NRXN3: variants seen among roughly 807,000 people sequenced by gnomAD.
The protein encoded by NRXN3 is neurexin 3.
In NRXN3, 32 loss-of-function variants were observed where a neutral mutation model predicts 137.6. That is an observed-to-expected ratio of 0.23 (90% CI 0.18 to 0.31). The LOEUF (loss-of-function observed/expected upper bound fraction) is 0.31. Ranked by LOEUF, NRXN3 falls within the 10% of genes least tolerant of loss-of-function variation. The pLI is 1.00. For synonymous variants in NRXN3, 798 were observed against 784.5 expected, an observed-to-expected ratio of 1.02 and a Z score of -0.29; for missense variants, 1,574 against 2,062.5, an observed-to-expected ratio of 0.76 and a Z score of 4.59.
intron 19 of NRXN3, among the ~76,000 whole-genome samples, chr14:79,786,316 G>A (rs577761839): frequency 5.9e-5 from 9 of 152,230 alleles, no homozygotes; most frequent in Admixed American, 2.0e-4. Flanking sequence ...TGGGGCCAAC[G>A]CTTAAAATGC....
Position 79,590,416 on chromosome 14 carries a change from T to TAAAAAAAAAAAAAAAA in NRXN3, c.3445-73355_3445-73340dup, listed in dbSNP as rs11419735. Among the ~76,000 whole-genome samples, 195 of 92,232 alleles carry TAAAAAAAAAAAAAAAA rather than the reference T, an allele frequency of 2.1e-3. 14 individuals are homozygous for TAAAAAAAAAAAAAAAA. Among genetic ancestry groups the TAAAAAAAAAAAAAAAA allele is most frequent in the Middle Eastern group, 9.1e-3 (1 of 110 alleles). 60.5% of individuals were successfully genotyped at this position (92,232 alleles called of 152,430 possible). ...TCCATTAAACCTTTCTTTCTTTTGT[T>TAAAAAAAAAAAAAAAA]AAAAAAAAAAAAAAAAAAAAAAGAT... On this transcript the variant is annotated intron_variant, in intron 16 of 20. Transcript: ENST00000335750.
chr14:78,803,760 G>A lies in NRXN3; in HGVS notation c.2185G>A (p.Asp729Asn), dbSNP rs773704532. The change falls in exon 9 of 21, where the codon GAC becomes AAC. Residue 729 changes from aspartate to asparagine, a missense_variant. Coordinates refer to ENST00000335750, the MANE Select transcript of NRXN3 (RefSeq NM_001330195.2). Reference sequence around the variant, plus strand: ...GCTGCTGGTGGCTACGACCTCCAGGGACTCTGCCGACACCCTGCGTCTGGA... The same window carrying A: ...GCTGCTGGTGGCTACGACCTCCAGGAACTCTGCCGACACCCTGCGTCTGGA... Reference protein sequence around the residue: ...YGLLVATTSRDSADTLRLELD... With the variant: ...YGLLVATTSRNSADTLRLELD... 5 of 1,613,988 alleles carry A rather than the reference G, an allele frequency of 3.1e-6. No individual in the cohort carries two copies. The highest frequency in any genetic ancestry group is 4.2e-6 in the Non-Finnish European group (5 of 1,180,026).
intron 4 of NRXN3, among the ~76,000 whole-genome samples, chr14:78,446,077 T>C (rs2094410009): frequency 6.6e-6 from 1 of 152,192 alleles, no homozygotes; most frequent in African/African-American, 2.4e-5. Context: ...TGACAGTGCG[T>C]GCACCTGACC....
intron 4 of NRXN3, among the ~76,000 whole-genome samples, chr14:78,589,706 T>G (rs2097098981): frequency 6.6e-6 from 1 of 152,164 alleles, no homozygotes; most frequent in South Asian, 2.1e-4. Flanking sequence ...GTTCTGCTCT[T>G]GGGCCAGGAC....
chr14:79,851,487 A>T (rs538037092), intron 20 of NRXN3, among the ~76,000 whole-genome samples: 4 of 152,108 alleles, frequency 2.6e-5, no homozygotes, highest in Non-Finnish European at 5.9e-5. Flanking sequence ...ACACATTGCT[A>T]TAATTATTTT....
chr14:79,808,115 G>A (rs1386313454), intron 20 of NRXN3, among the ~76,000 whole-genome samples: 1 of 151,882 alleles, frequency 6.6e-6, no homozygotes, highest in Non-Finnish European at 1.5e-5. Context: ...GCAGGCGCCT[G>A]TAGTCCCAGC....
chr14:78,474,487 C>G (rs1011369781), intron 4 of NRXN3, among the ~76,000 whole-genome samples: 2 of 80,342 alleles, frequency 2.5e-5, no homozygotes, highest in Non-Finnish European at 5.4e-5. Flanking sequence ...CATTTGGAAC[C>G]CACTGTGCTG....
At chr14:79,295,956 C>T (rs938535037) in intron 15 of NRXN3, among the ~76,000 whole-genome samples, 11 of 152,130 alleles carry the variant, frequency 7.2e-5, no homozygotes, top group Non-Finnish European at 7.4e-5. Context: ...CTACTGTTTT[C>T]CAGGCACTGT....
At chr14:78,556,061 G>A (rs1448611597) in intron 4 of NRXN3, among the ~76,000 whole-genome samples, 1 of 152,182 alleles carries the variant, frequency 6.6e-6, no homozygotes, top group African/African-American at 2.4e-5. Flanking sequence ...TCACAGACCA[G>A]CCCTGCCCCT....
intron 4 of NRXN3, among the ~76,000 whole-genome samples, chr14:78,318,799 C>G (rs1204952100): frequency 6.6e-6 from 1 of 152,162 alleles, no homozygotes; most frequent in African/African-American, 2.4e-5. Context: ...TTCTTCAAAC[C>G]AAATACCATG....
intron 16 of NRXN3, among the ~76,000 whole-genome samples, chr14:79,583,620 G>T (rs1472620565): frequency 6.6e-6 from 1 of 152,062 alleles, no homozygotes; most frequent in Admixed American, 6.6e-5. Flanking sequence ...ATGAACTTAA[G>T]ATTATACTCA....
intron 15 of NRXN3, among the ~76,000 whole-genome samples, chr14:79,372,300 G>A (rs558302691): frequency 6.6e-6 from 1 of 152,074 alleles, no homozygotes; most frequent in African/African-American, 2.4e-5. Flanking sequence ...ATAAATTTCG[G>A]CACACAGGGT....
chr14:78,278,396 T>C (rs1321020922), intron 2 of NRXN3, among the ~76,000 whole-genome samples: 2 of 152,178 alleles, frequency 1.3e-5, no homozygotes, highest in Non-Finnish European at 2.9e-5. Context: ...TCCGGACAGA[T>C]GTGAAGCTTA....
At chr14:79,587,186 T>C (rs1567584155) in intron 16 of NRXN3, among the ~76,000 whole-genome samples, 1 of 152,232 alleles carries the variant, frequency 6.6e-6, no homozygotes, top group Non-Finnish European at 1.5e-5. Context: ...AAACTGCATA[T>C]AGAATGCTTT....
At chr14:79,320,281 C>G (rs950114422) in intron 15 of NRXN3, among the ~76,000 whole-genome samples, 3 of 152,182 alleles carry the variant, frequency 2.0e-5, no homozygotes, top group Non-Finnish European at 2.9e-5. Flanking sequence ...ACACAATTCT[C>G]TCTTGCAGGA....
intron 4 of NRXN3, among the ~76,000 whole-genome samples, chr14:78,411,018 C>T (rs1344493763): frequency 2.6e-5 from 4 of 152,140 alleles, no homozygotes; most frequent in African/African-American, 9.7e-5. Flanking sequence ...ATTTCATAAT[C>T]TGTAAATGAG....
chr14:79,026,989 T>C (rs2099599631), intron 15 of NRXN3, among the ~76,000 whole-genome samples: 1 of 34,094 alleles, frequency 2.9e-5, no homozygotes, highest in African/African-American at 1.1e-4. Context: ...TATATATATA[T>C]ATATATATAT....
At chr14:78,719,347 T>C (rs2098448626) in intron 8 of NRXN3, among the ~76,000 whole-genome samples, 1 of 152,242 alleles carries the variant, frequency 6.6e-6, no homozygotes, top group Non-Finnish European at 1.5e-5. Context: ...GGGAAAGGCA[T>C]GCAGGCAGCA....
At chr14:78,610,741 G>T (rs747473795) in intron 4 of NRXN3, among the ~76,000 whole-genome samples, 1 of 152,200 alleles carries the variant, frequency 6.6e-6, no homozygotes, top group Non-Finnish European at 1.5e-5. Context: ...TGACACCAAG[G>T]TGCAGGTGAA....
Sources: allele counts gnomAD v4.1 joint callset (sites outside exome capture counted in the v4.1 genomes callset), GRCh38; gene constraint gnomAD v4.1.1; transcripts MANE v1.5; gene names NCBI Gene and HGNC (gene_info 2026-07-23, HGNC 2026-07-21).